The following RC3H1 variants were observed in gnomAD, a reference collection of about 807,000 sequenced individuals.
RC3H1 encodes the protein ring finger and CCCH-type domains 1.
RC3H1 carries 50 observed loss-of-function variants against 138.2 expected under a neutral mutation model. The observed-to-expected ratio is 0.36, with a 90% CI of 0.29 to 0.46. RC3H1 has a LOEUF of 0.46. Among genes scored for constraint, RC3H1 ranks in the 20% least tolerant of loss-of-function variants. RC3H1 has a pLI of 1.00. For missense variants in RC3H1, 1,031 were observed against 1,388.1 expected (o/e 0.74, Z 4.09); for synonymous variants, 462 against 489.1 (o/e 0.94, Z 0.73).
intron 9 of RC3H1, among the ~76,000 whole-genome samples, chr1:173,965,523 A>T (rs1472847179): frequency 1.3e-5 from 2 of 151,384 alleles, no homozygotes; most frequent in Non-Finnish European, 3.0e-5. Context: ...CCTGGGAGAC[A>T]GCGGTTGCAG....
At chr1:174,001,378 G>C (rs1337177441) in intron 1 of RC3H1, among the ~76,000 whole-genome samples, 2 of 152,132 alleles carry the variant, frequency 1.3e-5, no homozygotes, top group African/African-American at 4.8e-5. Flanking sequence ...CACTAAAGAG[G>C]GCATTAGCCC....
In RC3H1 at chr1:173,946,480, A is replaced by C. The variant is rs1279615245; in HGVS notation, c.2957T>G (p.Leu986Arg). The C allele has an allele frequency of 6.2e-7, 1 of 1,613,640 alleles. No individual in the cohort carries two copies. The highest frequency in any genetic ancestry group is 1.1e-5 in the South Asian group (1 of 91,008). Residue 986 changes from leucine to arginine, a missense_variant, in exon 17 of 20, where the codon CTA (leucine) becomes CGA (arginine). This residue lies in a region of RC3H1 where 716 missense variants were observed against 837.9 expected (regional missense o/e 0.85). Transcript: ENST00000367696. The part of the protein sequence containing the change: ...QISQQTQLRG[L>R]EAVSNRLVLQ... ...AATGGCTCTCTAGGCTGGTACCTCT[A>C]GTCCACGTAGCTGGGTCTGCTGGCT... is the stretch of plus-strand genomic sequence containing the variant.
At chr1:174,015,976 A>G (rs1412277947) in intron 1 of RC3H1, 1 of 152,106 alleles carries the variant, frequency 6.6e-6, no homozygotes, top group Non-Finnish European at 1.5e-5. Flanking sequence ...CGTGGCAGGT[A>G]GATCACCTGA....
intron 1 of RC3H1, among the ~76,000 whole-genome samples, chr1:174,001,381 A>G (rs1191172639): frequency 6.6e-6 from 1 of 152,228 alleles, no homozygotes; most frequent in Non-Finnish European, 1.5e-5. Context: ...TAAAGAGGGC[A>G]TTAGCCCTCA....
At chr1:174,002,988 G>A (rs1216910092) in intron 1 of RC3H1, among the ~76,000 whole-genome samples, 2 of 151,978 alleles carry the variant, frequency 1.3e-5, no homozygotes, top group East Asian at 3.9e-4. Context: ...GAGTGCCAGG[G>A]CCATATAACC....
At chr1:174,002,005 T>C (rs1005879986) in intron 1 of RC3H1, among the ~76,000 whole-genome samples, 2 of 152,150 alleles carry the variant, frequency 1.3e-5, no homozygotes, top group African/African-American at 4.8e-5. Context: ...ATTGTTTGCT[T>C]TATTATCTTA....
At chr1:173,967,363 G>A (rs1660167028) in intron 9 of RC3H1, among the ~76,000 whole-genome samples, 1 of 152,126 alleles carries the variant, frequency 6.6e-6, no homozygotes, top group African/African-American at 2.4e-5. Flanking sequence ...CTTGCACCCT[G>A]TGTGAATAAC....
In RC3H1 at chr1:173,993,109, C is replaced by G. The variant is rs1661365012; in HGVS notation, c.-124G>C. ...TTTTTTTAAATATCTTCTGTAGATACAGTCAGCACATAGTGTGAAATATAA... is the reference window on the plus strand; with the variant it reads ...TTTTTTTAAATATCTTCTGTAGATAGAGTCAGCACATAGTGTGAAATATAA... On this transcript the variant is annotated 5_prime_UTR_variant, in exon 2 of 20. Coordinates refer to ENST00000367696, the MANE Select transcript of RC3H1 (RefSeq NM_172071.4). The G allele has an allele frequency of 4.5e-6, 3 of 670,386 alleles. No individual in the cohort carries two copies. Among genetic ancestry groups the G allele is most frequent in the Non-Finnish European group, 7.7e-6 (3 of 391,548 alleles). 41.5% of individuals were successfully genotyped at this position (670,386 alleles called of 1,614,324 possible).
At chr1:173,951,522 A>T (rs564425625) in intron 14 of RC3H1, among the ~76,000 whole-genome samples, 1 of 152,258 alleles carries the variant, frequency 6.6e-6, no homozygotes, top group South Asian at 2.1e-4. Flanking sequence ...TTTGTTATTT[A>T]AACTTCAGAG....
At position 173,992,841 on chromosome 1, in the gene RC3H1, C is replaced by T; in HGVS notation, c.145G>A (p.Ala49Thr). Reference protein sequence around the residue: ...KMCLNKLHRKACPFDQTTINT... With the variant: ...KMCLNKLHRKTCPFDQTTINT... ...ATAGTGGTCTGGTCAAATGGGCAAG[C>T]CTTGCGGTGGAGTTTATTCAGGCAC... Residue 49 changes from alanine (A) to threonine (T), a missense_variant, in exon 2 of 20, where the codon GCT becomes ACT. Ala to Thr is a moderately conservative substitution (Grantham distance 58). Coordinates refer to ENST00000367696, the MANE Select transcript of RC3H1 (RefSeq NM_172071.4). The T allele has an allele frequency of 6.2e-7, 1 of 1,614,156 alleles. No individual in the cohort carries two copies. The highest frequency in any genetic ancestry group is 8.5e-7 in the Non-Finnish European group (1 of 1,180,034).
intron 7 of RC3H1, among the ~76,000 whole-genome samples, chr1:173,974,397 T>C (rs1660488710): frequency 6.6e-6 from 1 of 152,084 alleles, no homozygotes; most frequent in South Asian, 2.1e-4. Context: ...CTGGAGACTT[T>C]CAAATATATA....
At chr1:173,951,880 G>T in intron 14 of RC3H1, 106 bp downstream of exon 14, 1 of 1,083,378 alleles carries the variant, frequency 9.2e-7, no homozygotes, top group Non-Finnish European at 1.3e-6. Flanking sequence ...AATATGGTCT[G>T]AAACTCTTAA....
intron 2 of RC3H1, among the ~76,000 whole-genome samples, chr1:173,989,812 C>T (rs1311060045): frequency 6.7e-6 from 1 of 148,962 alleles, no homozygotes; most frequent in African/African-American, 2.5e-5. Context: ...CTGCAAGCTC[C>T]GCTTCCCGGG....
chr1:173,940,270 C>G (rs530201364), intron 19 of RC3H1, among the ~76,000 whole-genome samples: 5 of 152,140 alleles, frequency 3.3e-5, no homozygotes, highest in African/African-American at 1.2e-4. Context: ...TCGGGAGTTT[C>G]AGACCAGCCT....
intron 14 of RC3H1, among the ~76,000 whole-genome samples, chr1:173,947,862 C>T (rs1659202085): frequency 6.6e-6 from 1 of 152,024 alleles, no homozygotes; most frequent in Admixed American, 6.6e-5. Flanking sequence ...CCCACCTCAG[C>T]CTCCTAGGTA....
chr1:174,021,883 G>T (rs994722516), intron 1 of RC3H1, among the ~76,000 whole-genome samples: 1 of 152,250 alleles, frequency 6.6e-6, no homozygotes, highest in Admixed American at 6.5e-5. Context: ...GGCATGCAGA[G>T]GCCTGAGGCC....
At chr1:173,977,697 A>G (rs927729457) in intron 7 of RC3H1, among the ~76,000 whole-genome samples, 1 of 152,222 alleles carries the variant, frequency 6.6e-6, no homozygotes, top group Non-Finnish European at 1.5e-5. Flanking sequence ...CAGAGCATGT[A>G]GAGAAAACAA....
chr1:174,017,155 T>G (rs1484698810), intron 1 of RC3H1, among the ~76,000 whole-genome samples: 1 of 152,210 alleles, frequency 6.6e-6, no homozygotes, highest in Non-Finnish European at 1.5e-5. Flanking sequence ...AATAAATCCT[T>G]TGTGAATATT....
chr1:173,940,009 A>G (rs1308468611), intron 19 of RC3H1, among the ~76,000 whole-genome samples: 2 of 152,242 alleles, frequency 1.3e-5, no homozygotes, highest in Non-Finnish European at 2.9e-5. Flanking sequence ...CAAACAAAGC[A>G]TTAATTGTAA....
Sources: allele counts gnomAD v4.1 joint callset (sites outside exome capture counted in the v4.1 genomes callset), GRCh38; gene constraint gnomAD v4.1.1; regional missense constraint gnomAD v4.1.1; transcripts MANE v1.5; gene names NCBI Gene and HGNC (gene_info 2026-07-23, HGNC 2026-07-21).